Variants in MORC3 observed in about 807,000 individuals in gnomAD.
MORC3 encodes the protein MORC family CW-type zinc finger 3, also known as MORC family CW-type zinc finger protein 3.
Under a neutral mutation model 109.1 loss-of-function variants are expected in MORC3, and 31 were observed. The ratio of observed to expected loss-of-function variants is 0.28; its 90% confidence interval spans 0.21 to 0.38. The LOEUF (loss-of-function observed/expected upper bound fraction) is 0.38. Among genes scored for constraint, MORC3 ranks in the 10% least tolerant of loss-of-function variants. MORC3 has a pLI of 1.00. For missense variants in MORC3, 867 were observed against 1,135.8 expected (o/e 0.76, Z 3.40); for synonymous variants, 395 against 380.7 (o/e 1.04, Z -0.44).
At chr21:36,349,024 C>T (rs1031147899) in intron 8 of MORC3, among the ~76,000 whole-genome samples, 7 of 151,856 alleles carry the variant, frequency 4.6e-5, no homozygotes, top group South Asian at 2.1e-4. Context: ...TGGTGGTGCG[C>T]GCCTGTACTT....
chr21:36,323,317 G>A (rs2085212761), intron 1 of MORC3, among the ~76,000 whole-genome samples: 1 of 152,092 alleles, frequency 6.6e-6, no homozygotes, highest in South Asian at 2.1e-4. Context: ...TATGTCCTTG[G>A]CCAAGTCATT....
At position 36,320,239 on chromosome 21, in the gene MORC3, G is replaced by C. The variant is rs775924313; in HGVS notation, c.-26G>C. 1.9e-6 allele frequency: 3 copies of C among 1,575,902 alleles called. No individual in the cohort carries two copies. Among genetic ancestry groups the C allele is most frequent in the East Asian group, 2.4e-5 (1 of 42,114 alleles). On this transcript the variant is annotated 5_prime_UTR_variant, in exon 1 of 17. Transcript: ENST00000400485. ...TCCCAGTCGGGTTGCGGCGGAGGCC[G>C]TTCCTGGCTTTGTAGCTCGCTCAAG...
At chr21:36,349,679 A>G (rs1028580320) in intron 9 of MORC3, among the ~76,000 whole-genome samples, 2 of 152,244 alleles carry the variant, frequency 1.3e-5, no homozygotes, top group Admixed American at 1.3e-4. Flanking sequence ...AGGTGGCAAA[A>G]CATTTAGCTT....
At chr21:36,350,938 T>C (rs571586949) in intron 9 of MORC3, among the ~76,000 whole-genome samples, 2 of 152,316 alleles carry the variant, frequency 1.3e-5, no homozygotes, top group South Asian at 4.1e-4. Flanking sequence ...GTCAGGGTTA[T>C]TGGGATATTC....
intron 9 of MORC3, among the ~76,000 whole-genome samples, chr21:36,354,923 C>G (rs966705792): frequency 6.6e-6 from 1 of 152,056 alleles, no homozygotes; most frequent in Non-Finnish European, 1.5e-5. Context: ...TTTTTGCCCT[C>G]TACCTTTTTT....
intron 8 of MORC3, chr21:36,348,101 T>C (rs979559487): frequency 1.3e-5 from 2 of 152,230 alleles, no homozygotes; most frequent in Admixed American, 1.3e-4. Context: ...GAAGTATAGC[T>C]ACAATCATGA....
Position 36,369,128 on chromosome 21 carries a change from A to C in MORC3, c.1760A>C (p.Lys587Thr). ...VIILEENSTP[K>T]PAVDHDIDMK... ...ATCTTAGAAGAAAACAGTACCCCCA[A>C]ACCTGCAGTAGATCATGATATTGAC... is the stretch of plus-strand genomic sequence containing the variant. Residue 587 changes from lysine to threonine, a missense_variant, in exon 15 of 17, where the codon AAA becomes ACA. By Grantham distance (78) the Lys-to-Thr change is moderately conservative. This residue lies in a region of MORC3 where 486 missense variants were observed against 502.1 expected (regional missense o/e 0.97). Coordinates refer to ENST00000400485, the MANE Select transcript of MORC3 (RefSeq NM_015358.3). 1 of 1,614,128 alleles carries C rather than the reference A, an allele frequency of 6.2e-7. No individual in the cohort carries two copies. Among genetic ancestry groups the C allele is most frequent in the Non-Finnish European group, 8.5e-7 (1 of 1,180,020 alleles).
intron 1 of MORC3, among the ~76,000 whole-genome samples, chr21:36,324,699 C>A (rs1050464453): frequency 1.3e-5 from 2 of 150,806 alleles, no homozygotes; most frequent in African/African-American, 4.9e-5. Context: ...CTGGAAACAG[C>A]CTTCTCATTT....
At chr21:36,353,186 G>C (rs976762855) in intron 9 of MORC3, among the ~76,000 whole-genome samples, 1 of 149,266 alleles carries the variant, frequency 6.7e-6, no homozygotes, top group Admixed American at 6.7e-5. Flanking sequence ...GTGAAACCCA[G>C]TCTCTACTAA....
intron 14 of MORC3, among the ~76,000 whole-genome samples, chr21:36,367,404 C>T (rs1009022447): frequency 6.6e-6 from 1 of 152,166 alleles, no homozygotes; most frequent in African/African-American, 2.4e-5. Context: ...TGTCATCTCC[C>T]ACATGGGACA....
At chr21:36,339,018 A>C in intron 5 of MORC3, 97 bp downstream of exon 5, 1 of 1,350,306 alleles carries the variant, frequency 7.4e-7, no homozygotes, top group Non-Finnish European at 1.0e-6. Context: ...GTAGAAATAC[A>C]TGGAAAGGTA....
At chr21:36,358,026 C>T (rs966448073) in intron 10 of MORC3, among the ~76,000 whole-genome samples, 9 of 151,778 alleles carry the variant, frequency 5.9e-5, no homozygotes, top group African/African-American at 2.2e-4. Flanking sequence ...CAGGCGTGAG[C>T]CACCGCGCTC....
chr21:36,360,535 C>T, intron 12 of MORC3: 2 of 455,592 alleles, frequency 4.4e-6, no homozygotes, highest in East Asian at 4.1e-5. Context: ...TGAATACCCC[C>T]CCCATTGAAG....
chr21:36,358,409 A>T (rs1440600457), intron 10 of MORC3, among the ~76,000 whole-genome samples: 1 of 152,064 alleles, frequency 6.6e-6, no homozygotes, highest in African/African-American at 2.4e-5. Context: ...AAAATGAAAT[A>T]AAACTAGATT....
At chr21:36,344,503 G>A (rs759682408) in intron 6 of MORC3, 76 bp from the exon 7 acceptor site, 49 of 1,470,368 alleles carry the variant, frequency 3.3e-5, no homozygotes, top group Non-Finnish European at 4.4e-5. Flanking sequence ...TAATAGGAGA[G>A]CTTCTGTGTA....
chr21:36,321,763 T>C lies in MORC3; in HGVS notation c.39+1460T>C, dbSNP rs372473661. On this transcript the variant is annotated intron_variant, in intron 1 of 16. Coordinates refer to ENST00000400485, the MANE Select transcript of MORC3 (RefSeq NM_015358.3). ...CTTCCTCTCTCGAGGTTGAGTCTTG[T>C]TCAGGCCCAGAAACCTGTAGTGGAG... Among the ~76,000 whole-genome samples the C allele has an allele frequency of 2.4e-4, 37 of 152,258 alleles. No individual in the cohort carries two copies. In the East Asian group the frequency reaches 4.8e-3, roughly 20 times the overall value.
chr21:36,344,158 C>T (rs1374975093), intron 6 of MORC3, among the ~76,000 whole-genome samples: 1 of 151,766 alleles, frequency 6.6e-6, no homozygotes, highest in Non-Finnish European at 1.5e-5. Context: ...GGGGGGGTCT[C>T]CCTCTGTCCC....
At chr21:36,360,336 C>G (rs2085699023) in intron 12 of MORC3, 78 bp downstream of exon 12, 1 of 1,384,898 alleles carries the variant, frequency 7.2e-7, no homozygotes, top group South Asian at 1.2e-5. Context: ...TTATTTGATG[C>G]TTCTCCAAGG....
At chr21:36,346,954 A>G (rs760082777) in intron 8 of MORC3, among the ~76,000 whole-genome samples, 1 of 149,822 alleles carries the variant, frequency 6.7e-6, no homozygotes, top group Non-Finnish European at 1.5e-5. Context: ...ACACTGAGCT[A>G]TGATTTTTGC....
Sources: gnomAD v4.1 joint callset for allele counts (sites outside exome capture counted in the v4.1 genomes callset) on GRCh38, gnomAD v4.1.1 for gene constraint, gnomAD v4.1.1 regional missense constraint, MANE v1.5 for transcripts, NCBI Gene and HGNC (gene_info 2026-07-23, HGNC 2026-07-21) for gene names.